Variants in GPR158 observed in about 807,000 individuals in gnomAD.
GPR158 encodes the protein G protein-coupled receptor 158.
A neutral mutation model predicts 78.2 loss-of-function variants in GPR158; 30 were observed. The ratio of observed to expected loss-of-function variants is 0.38; its 90% confidence interval spans 0.29 to 0.52. The LOEUF is 0.52. Among genes scored for constraint, GPR158 ranks in the 20% least tolerant of loss-of-function variants. GPR158 has a pLI of 0.83. For synonymous variants in GPR158, 581 were observed against 591.1 expected (o/e 0.98, Z 0.25); for missense variants, 1,463 against 1,523.5 (o/e 0.96, Z 0.66).
intron 2 of GPR158, among the ~76,000 whole-genome samples, chr10:25,316,168 T>A (rs2130470509): frequency 6.6e-6 from 1 of 152,320 alleles, no homozygotes; most frequent in East Asian, 1.9e-4. Flanking sequence ...GATTTTTCTT[T>A]ATCTTTAAAC....
rs541356766 is a variant in GPR158 at position 25,442,859 on chromosome 10, AC to A, written c.1336-23789del. 4.6e-5 allele frequency among the ~76,000 whole-genome samples: 7 copies of A among 152,190 alleles called. No individual in the cohort carries two copies. In the South Asian group the frequency reaches 1.5e-3, roughly 32 times the overall value. ...ACTGATTGTTATAGTACCTTCCTGCACCCAACATCCTCCTTCAATTTATTCT... is the reference window on the plus strand; with the variant it reads ...ACTGATTGTTATAGTACCTTCCTGCACCAACATCCTCCTTCAATTTATTCT... On this transcript the variant is annotated intron_variant, in intron 4 of 10. Coordinates refer to ENST00000376351, the MANE Select transcript of GPR158 (RefSeq NM_020752.3).
chr10:25,395,073 G>T (rs1276778073), intron 2 of GPR158, among the ~76,000 whole-genome samples: 7 of 152,100 alleles, frequency 4.6e-5, no homozygotes, highest in Admixed American at 2.0e-4. Flanking sequence ...TGTAGTTTTT[G>T]TAGTTTAGTA....
chr10:25,297,430 CCAAAG>C (rs1385666297), intron 2 of GPR158, among the ~76,000 whole-genome samples: 2 of 66,150 alleles, frequency 3.0e-5, no homozygotes, highest in Non-Finnish European at 1.2e-4. Context: ...ATTTCAGATT[CCAAAG>C]AATTGTTTTG....
intron 5 of GPR158, among the ~76,000 whole-genome samples, chr10:25,502,677 C>T (rs1489539856): frequency 1.3e-5 from 2 of 152,148 alleles, no homozygotes; most frequent in African/African-American, 2.4e-5. Context: ...CATCTATAGG[C>T]AGGACCATGT....
intron 2 of GPR158, among the ~76,000 whole-genome samples, chr10:25,253,900 T>A (rs1444255154): frequency 1.3e-5 from 2 of 152,144 alleles, no homozygotes; most frequent in Non-Finnish European, 2.9e-5. Context: ...AACTAATACA[T>A]CAGAGTAATA....
At chr10:25,536,717 C>A (rs1273064514) in intron 5 of GPR158, among the ~76,000 whole-genome samples, 3 of 152,110 alleles carry the variant, frequency 2.0e-5, no homozygotes, top group African/African-American at 7.2e-5. Flanking sequence ...TTAACTTTAT[C>A]TTTCCATTAT....
intron 1 of GPR158, among the ~76,000 whole-genome samples, chr10:25,206,501 A>G (rs1290213923): frequency 2.6e-5 from 4 of 152,184 alleles, no homozygotes; most frequent in Non-Finnish European, 5.9e-5. Flanking sequence ...ATAAAAAATA[A>G]TGATCAACCA....
rs1275845538 is a variant in GPR158 at position 25,175,336 on chromosome 10, A to C, written c.-85A>C. 1.2e-6 allele frequency: 1 copy of C among 805,234 alleles called. No individual in the cohort carries two copies. Among genetic ancestry groups the C allele is most frequent in the Admixed American group, 2.5e-5 (1 of 39,782 alleles). 49.9% of individuals were successfully genotyped at this position (805,234 alleles called of 1,614,324 possible). On this transcript the variant is annotated 5_prime_UTR_variant, in exon 1 of 11. Coordinates refer to ENST00000376351, the MANE Select transcript of GPR158 (RefSeq NM_020752.3). The surrounding 1 kb of genome is among the most constrained non-coding windows in gnomAD (Gnocchi z 6.4). ...GAGAAGGGGGAAGACTCCTCGAAAA[A>C]GTCTGACTGTTGAGAAACTGACGAT...
chr10:25,192,177 C>T (rs569482386), intron 1 of GPR158, among the ~76,000 whole-genome samples: 42 of 152,188 alleles, frequency 2.8e-4, no homozygotes, highest in African/African-American at 9.9e-4. Flanking sequence ...GGAGATCTCA[C>T]GAGATCTGAT....
chr10:25,467,966 G>A (rs1410931), intron 5 of GPR158, among the ~76,000 whole-genome samples: 67,149 of 151,862 alleles, frequency 0.44, 15,911 homozygotes, highest in East Asian at 0.8. Flanking sequence ...ATGTACATGT[G>A]CTGCCTAGCA....
In GPR158 at chr10:25,572,645, C is replaced by T. The variant is rs764978319; in HGVS notation, c.1515-4C>T. Reference sequence around the variant, plus strand: ...CTTTCACATTTGAACTTTTGCTTTTCTAGGGTTTTGAAGGTGTTTCTTTCA... The same window carrying T: ...CTTTCACATTTGAACTTTTGCTTTTTTAGGGTTTTGAAGGTGTTTCTTTCA... On this transcript the variant is annotated splice_region_variant and splice_polypyrimidine_tract_variant and intron_variant, in intron 6 of 10. Transcript: ENST00000376351. 1 of 1,587,690 alleles carries T rather than the reference C, an allele frequency of 6.3e-7. No individual in the cohort carries two copies.
At chr10:25,292,406 T>C (rs1246974528) in intron 2 of GPR158, among the ~76,000 whole-genome samples, 1 of 152,170 alleles carries the variant, frequency 6.6e-6, no homozygotes, top group African/African-American at 2.4e-5. Context: ...CAGGGTTACT[T>C]TGAATGGATA....
At chr10:25,249,586 T>G (rs867468229) in intron 2 of GPR158, among the ~76,000 whole-genome samples, 1 of 152,106 alleles carries the variant, frequency 6.6e-6, no homozygotes, top group African/African-American at 2.4e-5. Flanking sequence ...GATTTTGTCT[T>G]TGGTTCTGTT....
chr10:25,398,193 T>C (rs576395426), intron 3 of GPR158, among the ~76,000 whole-genome samples: 1 of 152,336 alleles, frequency 6.6e-6, no homozygotes, highest in South Asian at 2.1e-4. Context: ...AGTTACACTG[T>C]GCCAAGACTT....
chr10:25,481,749 G>C (rs1348354452), intron 5 of GPR158, among the ~76,000 whole-genome samples: 1 of 151,562 alleles, frequency 6.6e-6, no homozygotes, highest in Non-Finnish European at 1.5e-5. Context: ...CAGCAATGCA[G>C]AGTGTTTCAA....
At chr10:25,515,493 A>G (rs1181329309) in intron 5 of GPR158, among the ~76,000 whole-genome samples, 9 of 140,706 alleles carry the variant, frequency 6.4e-5, no homozygotes, top group East Asian at 4.3e-4. Flanking sequence ...AGCATTAGGT[A>G]TATCTCCCAG....
At chr10:25,501,764 C>G (rs1431550320) in intron 5 of GPR158, among the ~76,000 whole-genome samples, 1 of 152,116 alleles carries the variant, frequency 6.6e-6, no homozygotes, top group Non-Finnish European at 1.5e-5. Context: ...CATAAATTAT[C>G]CTAATAACCT....
At chr10:25,310,254 CTA>C (rs1180753993) in intron 2 of GPR158, among the ~76,000 whole-genome samples, 6 of 152,172 alleles carry the variant, frequency 3.9e-5, no homozygotes, top group African/African-American at 7.2e-5. Flanking sequence ...TTCCATCAAT[CTA>C]TATGTTTGTC....
At chr10:25,547,807 A>T (rs1023634409) in intron 5 of GPR158, among the ~76,000 whole-genome samples, 2 of 152,156 alleles carry the variant, frequency 1.3e-5, no homozygotes, top group African/African-American at 4.8e-5. Context: ...CCTTCAGTAA[A>T]ATCAAAGTCT....
Sources: allele counts gnomAD v4.1 joint callset (sites outside exome capture counted in the v4.1 genomes callset), GRCh38; gene constraint gnomAD v4.1.1; non-coding constraint Gnocchi (gnomAD v3.1); transcripts MANE v1.5; gene names NCBI Gene and HGNC (gene_info 2026-07-23, HGNC 2026-07-21).